EPS8: variants seen among roughly 807,000 people sequenced by gnomAD.
The protein encoded by EPS8 is EGFR pathway substrate 8, signaling adaptor, also known as epidermal growth factor receptor kinase substrate 8.
Under a neutral mutation model 103.8 loss-of-function variants are expected in EPS8, and 42 were observed. That is an observed-to-expected ratio of 0.40 (90% confidence interval 0.32 to 0.52). EPS8 has a LOEUF of 0.52. EPS8 is among the 20% of genes least tolerant of loss of function. EPS8 has a pLI of 0.40. For synonymous variants in EPS8, 344 were observed against 344.6 expected (o/e 1.00, Z 0.02); for missense variants, 969 against 1,005.1 (o/e 0.96, Z 0.49).
chr12:15,786,272 C>T (rs1413475406), intron 1 of EPS8, among the ~76,000 whole-genome samples: 2 of 151,994 alleles, frequency 1.3e-5, no homozygotes, highest in Non-Finnish European at 2.9e-5. Context: ...TACCAAAAAC[C>T]TATAATCACA....
rs1419340373 is a variant in EPS8 at position 15,764,405 on chromosome 12, T to A, written c.-22+24756A>T. Reference sequence around the variant, plus strand: ...GAATGACAAGTCAAGAGACAATCTGTTCAAGTCCACAAGGTTCCAGGCAAA... The same window carrying A: ...GAATGACAAGTCAAGAGACAATCTGATCAAGTCCACAAGGTTCCAGGCAAA... On this transcript the variant is annotated intron_variant, in intron 1 of 20. Transcript: ENST00000281172. This position sits in a 1 kb window ranked among gnomAD's most constrained non-coding sequence, Gnocchi z 4.1. Among the ~76,000 whole-genome samples, 2 of 152,188 alleles carry A rather than the reference T, an allele frequency of 1.3e-5. No homozygotes were observed. The highest frequency in any genetic ancestry group is 4.8e-5 in the African/African-American group (2 of 41,448).
chr12:15,770,511 G>T (rs1054727690), intron 1 of EPS8, among the ~76,000 whole-genome samples: 1 of 152,056 alleles, frequency 6.6e-6, no homozygotes. Flanking sequence ...GTGCTCTAAT[G>T]AGGGGAAAGG....
chr12:15,714,182 C>T lies in EPS8; in HGVS notation c.-21-31210G>A, dbSNP rs559892157. On this transcript the variant is annotated intron_variant, in intron 1 of 20. Transcript: ENST00000281172. This position sits in a 1 kb window ranked among gnomAD's most constrained non-coding sequence, Gnocchi z 4.1. ...GAAAATGATTTACTGTGATTATTAA[C>T]AAATATGCCAAACAGAAAATTGAGT... Among the ~76,000 whole-genome samples the T allele has an allele frequency of 2.6e-5, 4 of 151,690 alleles. No homozygotes were observed. Among genetic ancestry groups the T allele is most frequent in the African/African-American group, 9.7e-5 (4 of 41,354 alleles).
Position 15,623,247 on chromosome 12 carries a change from A to G in EPS8, c.2266T>C (p.Phe756Leu). ...SLGVLNGAQL[F>L]SLNKDELRTV... is the part of the protein sequence containing the mutation. ...CTCAGTTCATCCTTATTGAGAGAGA[A>G]AAGTTGTGCACCATTTAATACTCCA... Residue 756 changes from phenylalanine (F) to leucine (L), a missense_variant, in exon 20 of 21, where the codon TTC becomes CTC. By Grantham distance (22) the Phe-to-Leu change is conservative. Coordinates refer to ENST00000281172, the MANE Select transcript of EPS8 (RefSeq NM_004447.6). 2 of 1,613,374 alleles carry G rather than the reference A, an allele frequency of 1.2e-6. No homozygotes were observed. The highest frequency in any genetic ancestry group is 8.5e-7 in the Non-Finnish European group (1 of 1,179,532).
Position 15,662,018 on chromosome 12 carries a change from G to T in EPS8, c.810+8C>A. 6.2e-7 allele frequency: 1 copy of T among 1,609,402 alleles called. No individual in the cohort carries two copies. The highest frequency in any genetic ancestry group is 8.5e-7 in the Non-Finnish European group (1 of 1,175,768). On this transcript the variant is annotated splice_region_variant and intron_variant, in intron 9 of 20. Coordinates refer to ENST00000281172, the MANE Select transcript of EPS8 (RefSeq NM_004447.6). The stretch of plus-strand genomic sequence containing the variant: ...AGCCAGTGATCTAAAGGCGACTCCT[G>T]TACTTACCACATCTCTGTCAATGCG...
chr12:15,660,654 T>C lies in EPS8; in HGVS notation c.897A>G (p.Lys299=). 6.2e-7 allele frequency: 1 copy of C among 1,602,632 alleles called. No homozygotes were observed. Among genetic ancestry groups the C allele is most frequent in the Non-Finnish European group, 8.5e-7 (1 of 1,169,840 alleles). ...KAAEAFSELS[K]RKKNKKGKRK... ...TTTTACCTTTCTTGTTTTTCTTCCT[T>C]TTAGAAAGCTCAGAAAATGCTTCTG... Residue 299 remains lysine (K), a synonymous_variant, in exon 10 of 21, where the codon AAA becomes AAG. Transcript: ENST00000281172.
At position 15,757,850 on chromosome 12, in the gene EPS8, G is replaced by C. The variant is rs1947003387; in HGVS notation, c.-22+31311C>G. 6.6e-6 allele frequency among the ~76,000 whole-genome samples: 1 copy of C among 152,132 alleles called. No individual in the cohort carries two copies. Among genetic ancestry groups the C allele is most frequent in the Admixed American group, 6.5e-5 (1 of 15,270 alleles). ...TTCCTCAAAACTTAGCAGCTTAGAA[G>C]AACAATAGCGTAAGGTACTAGCTCT... On this transcript the variant is annotated intron_variant, in intron 1 of 20. Coordinates refer to ENST00000281172, the MANE Select transcript of EPS8 (RefSeq NM_004447.6). The surrounding 1 kb of genome is among the most constrained non-coding windows in gnomAD (Gnocchi z 4.1).
At chr12:15,637,302 T>C (rs1251875898) in intron 17 of EPS8, among the ~76,000 whole-genome samples, 1 of 152,260 alleles carries the variant, frequency 6.6e-6, no homozygotes, top group Non-Finnish European at 1.5e-5. Context: ...ATTACAGGCG[T>C]GAGCCATTGT....
At chr12:15,682,855 TC>T (rs775260290) in intron 2 of EPS8, 37 bp downstream of exon 2, 9 of 1,080,112 alleles carry the variant, frequency 8.3e-6, no homozygotes, top group Non-Finnish European at 1.3e-5. Flanking sequence ...CAAATCAAAT[TC>T]CCCCAAAACA....
At chr12:15,656,440 C>CTAGTCCAAGGG (rs367923316) in intron 12 of EPS8, among the ~76,000 whole-genome samples, 150 of 152,290 alleles carry the variant, frequency 9.8e-4, no homozygotes, top group African/African-American at 3.6e-3. Flanking sequence ...CTTGGACTTT[C>CTAGTCCAAGGG]ATCTTCTAGT....
At chr12:15,741,325 A>G (rs1273305845) in intron 1 of EPS8, among the ~76,000 whole-genome samples, 3 of 152,180 alleles carry the variant, frequency 2.0e-5, no homozygotes, top group African/African-American at 4.8e-5. Context: ...TGGGTTGCAG[A>G]GAGGAAATGG....
chr12:15,741,193 T>A (rs559000716), intron 1 of EPS8, among the ~76,000 whole-genome samples: 1 of 152,354 alleles, frequency 6.6e-6, no homozygotes, highest in Non-Finnish European at 1.5e-5. Flanking sequence ...AAATTCTTAA[T>A]AACTGTATCT....
chr12:15,774,563 TA>T (rs912935249), intron 1 of EPS8, among the ~76,000 whole-genome samples: 1 of 128,724 alleles, frequency 7.8e-6, no homozygotes, highest in African/African-American at 4.2e-5. Flanking sequence ...TACATATACA[TA>T]TATATATATA....
intron 3 of EPS8, among the ~76,000 whole-genome samples, chr12:15,675,212 C>T (rs911810239): frequency 1.2e-4 from 19 of 152,174 alleles, no homozygotes; most frequent in Non-Finnish European, 2.4e-4. Context: ...TCAATTCTTA[C>T]CAACACCTCC....
At chr12:15,647,071 C>T (rs1945330794) in intron 15 of EPS8, 56 bp downstream of exon 15, 18 of 1,528,994 alleles carry the variant, frequency 1.2e-5, no homozygotes, top group Non-Finnish European at 1.5e-5. Flanking sequence ...CCTCTGTTAG[C>T]ACTAGATCAG....
chr12:15,676,726 A>G (rs1945915598), intron 3 of EPS8, among the ~76,000 whole-genome samples: 1 of 152,082 alleles, frequency 6.6e-6, no homozygotes, highest in African/African-American at 2.4e-5. Context: ...GTAAAATGTT[A>G]CTGTTATAAC....
chr12:15,709,981 C>T (rs550667254), intron 1 of EPS8, among the ~76,000 whole-genome samples: 1 of 152,202 alleles, frequency 6.6e-6, no homozygotes, highest in African/African-American at 2.4e-5. Context: ...GCTGATCTGA[C>T]AGGAGGCAGA....
intron 1 of EPS8, among the ~76,000 whole-genome samples, chr12:15,709,285 A>C (rs889233519): frequency 6.6e-6 from 1 of 152,192 alleles, no homozygotes; most frequent in East Asian, 1.9e-4. Context: ...TAAATATAAC[A>C]GAAGATGGAA....
chr12:15,694,743 T>C (rs1946221106), intron 1 of EPS8, among the ~76,000 whole-genome samples: 1 of 152,124 alleles, frequency 6.6e-6, no homozygotes, highest in Non-Finnish European at 1.5e-5. Flanking sequence ...GCTTACATAG[T>C]CATTAAAAAA....
Sources: allele counts gnomAD v4.1 joint callset (sites outside exome capture counted in the v4.1 genomes callset), GRCh38; gene constraint gnomAD v4.1.1; non-coding constraint Gnocchi (gnomAD v3.1); transcripts MANE v1.5; gene names NCBI Gene and HGNC (gene_info 2026-07-23, HGNC 2026-07-21).